Variants in CLSTN2 observed in about 807,000 individuals in gnomAD.
CLSTN2 encodes calsyntenin-2.
CLSTN2 carries 48 observed loss-of-function variants against 101.2 expected under a neutral mutation model. That is an observed-to-expected ratio of 0.47 (90% CI 0.38 to 0.60). CLSTN2 has a LOEUF of 0.60. Ranked by LOEUF, CLSTN2 falls within the 20% of genes least tolerant of loss-of-function variation. CLSTN2 has a pLI of 0.00. For missense variants in CLSTN2, 1,160 were observed against 1,238.2 expected (o/e 0.94, Z 0.95); for synonymous variants, 481 against 463.6 (o/e 1.04, Z -0.48).
intron 12 of CLSTN2, among the ~76,000 whole-genome samples, chr3:140,560,537 A>AT (rs1200340401): frequency 6.6e-6 from 1 of 151,492 alleles, no homozygotes; most frequent in Non-Finnish European, 1.5e-5. Flanking sequence ...CTCAGCACAC[A>AT]TTTTTTAGCC....
chr3:140,210,532 G>A lies in CLSTN2; in HGVS notation c.232+34459G>A, dbSNP rs148166453. On this transcript the variant is annotated intron_variant, in intron 2 of 16. Coordinates refer to ENST00000458420, the MANE Select transcript of CLSTN2 (RefSeq NM_022131.3). ...AGGTACAGACTTCTCAAATTTGAGA[G>A]CAATTTTTGGTTTTCTCGTGTTATA... 2.6e-5 allele frequency among the ~76,000 whole-genome samples: 4 copies of A among 152,310 alleles called. No homozygotes were observed. In the East Asian group the frequency reaches 5.8e-4, roughly 22 times the overall value.
chr3:140,381,636 C>T (rs2087986359), intron 2 of CLSTN2, among the ~76,000 whole-genome samples: 1 of 152,202 alleles, frequency 6.6e-6, no homozygotes, highest in Admixed American at 6.5e-5. Flanking sequence ...GTGAGATTGT[C>T]TGGCTTTAAC....
chr3:140,540,209 T>A (rs1352347050), intron 9 of CLSTN2, among the ~76,000 whole-genome samples: 1 of 152,210 alleles, frequency 6.6e-6, no homozygotes, highest in East Asian at 1.9e-4. Flanking sequence ...ACATTTGTTG[T>A]CATCGCTAAG....
intron 1 of CLSTN2, among the ~76,000 whole-genome samples, chr3:139,968,009 G>A (rs946063217): frequency 2.6e-5 from 4 of 152,168 alleles, no homozygotes; most frequent in African/African-American, 9.7e-5. Flanking sequence ...GTGTGCATGT[G>A]TGTGTGTAGC....
Position 140,217,433 on chromosome 3 carries a change from C to A in CLSTN2, c.232+41360C>A, listed in dbSNP as rs1297152468. ...TCTTGTAGAATTTATCTTCATTCAA[C>A]CCACAATGAACCTGCTCCATGGTTT... On this transcript the variant is annotated intron_variant, in intron 2 of 16. Coordinates refer to ENST00000458420, the MANE Select transcript of CLSTN2 (RefSeq NM_022131.3). Among the ~76,000 whole-genome samples the A allele has an allele frequency of 4.6e-5, 7 of 152,148 alleles. No homozygotes were observed. The East Asian group carries it at 9.6e-4, about 21-fold the overall frequency.
At chr3:139,939,492 G>A (rs1375121319) in intron 1 of CLSTN2, among the ~76,000 whole-genome samples, 1 of 152,194 alleles carries the variant, frequency 6.6e-6, no homozygotes, top group Non-Finnish European at 1.5e-5. Context: ...AAGCTGAGCT[G>A]TTTGCATCTT....
chr3:140,083,912 C>G (rs2107782426), intron 1 of CLSTN2, among the ~76,000 whole-genome samples: 1 of 152,158 alleles, frequency 6.6e-6, no homozygotes, highest in African/African-American at 2.4e-5. Context: ...AAACAGTAAA[C>G]TTTGATCTTC....
At chr3:140,301,983 A>T (rs774335260) in intron 2 of CLSTN2, among the ~76,000 whole-genome samples, 45 of 152,218 alleles carry the variant, frequency 3.0e-4, no homozygotes, top group Admixed American at 7.2e-4. Flanking sequence ...TTTAAAGCAA[A>T]TATATTTTTA....
chr3:139,941,296 A>G (rs572237962), intron 1 of CLSTN2, among the ~76,000 whole-genome samples: 2 of 152,138 alleles, frequency 1.3e-5, no homozygotes, highest in South Asian at 4.2e-4. Flanking sequence ...GAGATTTGGG[A>G]AAGAAACAAG....
chr3:140,313,319 A>G (rs1047983180), intron 2 of CLSTN2, among the ~76,000 whole-genome samples: 1 of 152,174 alleles, frequency 6.6e-6, no homozygotes, highest in Non-Finnish European at 1.5e-5. Flanking sequence ...TGAGACTCAG[A>G]GCTTTCTGAC....
intron 10 of CLSTN2, among the ~76,000 whole-genome samples, chr3:140,554,978 G>A (rs567517966): frequency 6.6e-6 from 1 of 152,302 alleles, no homozygotes; most frequent in South Asian, 2.1e-4. Flanking sequence ...TAACTGTCAG[G>A]ATAAGCTAAG....
chr3:140,180,296 T>G (rs567581653), intron 2 of CLSTN2, among the ~76,000 whole-genome samples: 1 of 152,300 alleles, frequency 6.6e-6, no homozygotes, highest in Non-Finnish European at 1.5e-5. Flanking sequence ...TCTCAGCACT[T>G]ACTCTAAGTT....
At chr3:140,027,964 T>G in intron 1 of CLSTN2, among the ~76,000 whole-genome samples, 1 of 152,190 alleles carries the variant, frequency 6.6e-6, no homozygotes, top group East Asian at 1.9e-4. Context: ...GAGCAGTGGC[T>G]TCTTCATGTG....
At chr3:140,251,213 A>G (rs1201593970) in intron 2 of CLSTN2, among the ~76,000 whole-genome samples, 1 of 152,138 alleles carries the variant, frequency 6.6e-6, no homozygotes, top group Non-Finnish European at 1.5e-5. Flanking sequence ...GTTGCCAGAT[A>G]GTGACTTCAT....
intron 1 of CLSTN2, among the ~76,000 whole-genome samples, chr3:140,088,108 T>A (rs984317277): frequency 6.6e-6 from 1 of 152,150 alleles, no homozygotes; most frequent in Non-Finnish European, 1.5e-5. Flanking sequence ...AATGGATTAT[T>A]TTGTGGCCCA....
At chr3:140,400,350 T>C (rs534064079) in intron 2 of CLSTN2, among the ~76,000 whole-genome samples, 1 of 152,194 alleles carries the variant, frequency 6.6e-6, no homozygotes, top group Non-Finnish European at 1.5e-5. Flanking sequence ...GCTCATAACA[T>C]GCTCCATTGT....
At chr3:140,363,751 A>G (rs541155953) in intron 2 of CLSTN2, among the ~76,000 whole-genome samples, 1 of 152,302 alleles carries the variant, frequency 6.6e-6, no homozygotes, top group African/African-American at 2.4e-5. Context: ...CCAAGATTTT[A>G]AGCTTGAGGG....
intron 9 of CLSTN2, among the ~76,000 whole-genome samples, chr3:140,537,816 C>T (rs1935388300): frequency 6.6e-6 from 1 of 152,102 alleles, no homozygotes; most frequent in Admixed American, 6.5e-5. Flanking sequence ...TCACATCTGC[C>T]TCAATCCTGG....
intron 2 of CLSTN2, among the ~76,000 whole-genome samples, chr3:140,232,428 C>T (rs2086378768): frequency 6.6e-6 from 1 of 152,122 alleles, no homozygotes; most frequent in African/African-American, 2.4e-5. Flanking sequence ...GGTTTCCCTA[C>T]TCTGCCCATC....
Sources: allele counts gnomAD v4.1 joint callset (sites outside exome capture counted in the v4.1 genomes callset), GRCh38; gene constraint gnomAD v4.1.1; transcripts MANE v1.5; gene names NCBI Gene and HGNC (gene_info 2026-07-23, HGNC 2026-07-21).